Variants in EXOC6B observed in about 807,000 individuals in gnomAD.
EXOC6B encodes SEC15 homolog B.
In EXOC6B, 54 loss-of-function variants were observed where a neutral mutation model predicts 113.5. That is an observed-to-expected ratio of 0.48 (90% CI 0.38 to 0.60). The LOEUF (loss-of-function observed/expected upper bound fraction) is 0.60, where lower values mean the gene tolerates loss of function less well. Ranked by LOEUF, EXOC6B falls within the 20% of genes least tolerant of loss-of-function variation. EXOC6B has a pLI of 0.00. For synonymous variants in EXOC6B, 357 were observed against 339.0 expected (o/e 1.05, Z -0.58); for missense variants, 797 against 977.5 (o/e 0.82, Z 2.46).
rs955383541 is a variant in EXOC6B at position 72,306,957 on chromosome 2, A to G, written c.2196+27990T>C. Among the ~76,000 whole-genome samples, 3 of 152,276 alleles carry G rather than the reference A, an allele frequency of 2.0e-5. No homozygotes were observed. In the East Asian group the frequency reaches 5.8e-4, roughly 29 times the overall value. ...TGCTTTTTTAGGTGCTCATTTCATC[A>G]TACCTTTTAGGATCAGGACCATAAT... is the stretch of plus-strand genomic sequence containing the variant. On this transcript the variant is annotated intron_variant, in intron 20 of 21. Coordinates refer to ENST00000272427, the MANE Select transcript of EXOC6B (RefSeq NM_015189.3).
At chr2:72,391,152 C>T (rs1010468659) in intron 18 of EXOC6B, among the ~76,000 whole-genome samples, 1 of 152,168 alleles carries the variant, frequency 6.6e-6, no homozygotes, top group Non-Finnish European at 1.5e-5. Flanking sequence ...TCTCATGGAT[C>T]ACTTTCCTGC....
At chr2:72,466,394 T>C (rs1054245133) in intron 17 of EXOC6B, among the ~76,000 whole-genome samples, 2 of 150,744 alleles carry the variant, frequency 1.3e-5, no homozygotes, top group African/African-American at 4.9e-5. Context: ...TAGGTCCAGG[T>C]TGAGACTCAT....
chr2:72,675,264 A>G (rs1042730136), intron 6 of EXOC6B, among the ~76,000 whole-genome samples: 1 of 152,244 alleles, frequency 6.6e-6, no homozygotes, highest in Non-Finnish European at 1.5e-5. Flanking sequence ...AAAAAATGAA[A>G]AGCTGAACGA....
chr2:72,701,703 C>T (rs1301454056), intron 6 of EXOC6B, among the ~76,000 whole-genome samples: 4 of 152,162 alleles, frequency 2.6e-5, no homozygotes, highest in Non-Finnish European at 5.9e-5. Context: ...ATACCTGCCC[C>T]AGAGCTACTT....
chr2:72,689,337 C>G (rs191161494), intron 6 of EXOC6B, among the ~76,000 whole-genome samples: 1 of 152,288 alleles, frequency 6.6e-6, no homozygotes, highest in Admixed American at 6.5e-5. Context: ...CATCACTTAT[C>G]AAAGTGGTTA....
At chr2:72,268,152 C>A (rs1386716658) in intron 20 of EXOC6B, among the ~76,000 whole-genome samples, 1 of 151,998 alleles carries the variant, frequency 6.6e-6, no homozygotes, top group African/African-American at 2.4e-5. Flanking sequence ...ACTCTGTTGC[C>A]CAGGCTAGCG....
chr2:72,255,472 C>G (rs1052425118), intron 20 of EXOC6B, among the ~76,000 whole-genome samples: 1 of 152,198 alleles, frequency 6.6e-6, no homozygotes, highest in African/African-American at 2.4e-5. Flanking sequence ...TGGAAGGCAG[C>G]GCCAAGAGCC....
intron 18 of EXOC6B, among the ~76,000 whole-genome samples, chr2:72,421,744 C>T (rs1047383338): frequency 5.9e-5 from 9 of 152,364 alleles, no homozygotes; most frequent in Admixed American, 3.3e-4. Context: ...AGGAGCCCTT[C>T]GGCCCGCCGC....
intron 1 of EXOC6B, among the ~76,000 whole-genome samples, chr2:72,821,906 C>T (rs1299507768): frequency 1.3e-5 from 2 of 151,992 alleles, no homozygotes; most frequent in Non-Finnish European, 2.9e-5. Context: ...AATATACATA[C>T]CCAAAACCAT....
intron 15 of EXOC6B, among the ~76,000 whole-genome samples, chr2:72,493,609 C>T (rs1157965672): frequency 7.3e-5 from 11 of 151,636 alleles, no homozygotes; most frequent in East Asian, 3.9e-4. Flanking sequence ...GGATCTCTCG[C>T]GTATGTATGT....
chr2:72,626,311 G>T (rs1672046396), intron 6 of EXOC6B, among the ~76,000 whole-genome samples: 1 of 152,000 alleles, frequency 6.6e-6, no homozygotes, highest in Non-Finnish European at 1.5e-5. Context: ...ACTCCTAATT[G>T]TATTTGGAGT....
chr2:72,544,192 A>T (rs1254607777), intron 8 of EXOC6B, among the ~76,000 whole-genome samples: 1 of 152,214 alleles, frequency 6.6e-6, no homozygotes, highest in Non-Finnish European at 1.5e-5. Flanking sequence ...CACTCCTGAA[A>T]CATTAAACAG....
At chr2:72,436,985 T>C (rs66489235) in intron 18 of EXOC6B, among the ~76,000 whole-genome samples, 31,491 of 152,174 alleles carry the variant, frequency 0.21, 4,999 homozygotes, top group African/African-American at 0.44. Flanking sequence ...AGAGGCATTC[T>C]GATTTTGGAA....
At chr2:72,659,539 C>G (rs1674851850) in intron 6 of EXOC6B, among the ~76,000 whole-genome samples, 1 of 152,100 alleles carries the variant, frequency 6.6e-6, no homozygotes, top group African/African-American at 2.4e-5. Flanking sequence ...TGCTATACAA[C>G]TGCAGACAGG....
intron 20 of EXOC6B, among the ~76,000 whole-genome samples, chr2:72,292,298 G>T (rs1685846930): frequency 6.6e-6 from 1 of 151,594 alleles, no homozygotes; most frequent in African/African-American, 2.4e-5. Context: ...TTGAGTAGCT[G>T]TCCCTCTGTT....
At chr2:72,508,384 G>A (rs1700722678) in intron 11 of EXOC6B, among the ~76,000 whole-genome samples, 1 of 152,096 alleles carries the variant, frequency 6.6e-6, no homozygotes, top group African/African-American at 2.4e-5. Context: ...TGGAAGGGTT[G>A]TAACAAAGTG....
intron 18 of EXOC6B, among the ~76,000 whole-genome samples, chr2:72,417,658 A>G (rs1694609041): frequency 6.6e-6 from 1 of 152,182 alleles, no homozygotes; most frequent in Non-Finnish European, 1.5e-5. Flanking sequence ...ACAAAATTCA[A>G]TTTTTAAGAC....
chr2:72,773,115 A>ATTTTTTTTTTTTTTTTTTT (rs1683493598), intron 1 of EXOC6B, among the ~76,000 whole-genome samples: 1 of 118,260 alleles, frequency 8.5e-6, no homozygotes, highest in African/African-American at 3.7e-5. Context: ...TAGACCTTAG[A>ATTTTTTTTTTTTTTTTTTT]TTTTCTTTTT....
At chr2:72,790,947 G>A (rs1030435333) in intron 1 of EXOC6B, among the ~76,000 whole-genome samples, 5 of 152,142 alleles carry the variant, frequency 3.3e-5, no homozygotes, top group Non-Finnish European at 7.4e-5. Context: ...GGAACAGAAT[G>A]GGGAAGGGGA....
Sources: gnomAD v4.1 joint callset for allele counts (sites outside exome capture counted in the v4.1 genomes callset) on GRCh38, gnomAD v4.1.1 for gene constraint, MANE v1.5 for transcripts, NCBI Gene and HGNC (gene_info 2026-07-23, HGNC 2026-07-21) for gene names.